The following TUBGCP3 variants were observed in gnomAD, a reference collection of about 807,000 sequenced individuals.
The protein encoded by TUBGCP3 is tubulin gamma complex component 3, also known as gamma-tubulin complex component 3.
In TUBGCP3, 50 loss-of-function variants were observed where a neutral mutation model predicts 123.1. The ratio of observed to expected loss-of-function variants is 0.41; its 90% CI spans 0.32 to 0.51. The LOEUF is 0.51. Ranked by LOEUF, TUBGCP3 falls within the 20% of genes least tolerant of loss-of-function variation. The pLI, the probability that TUBGCP3 is intolerant of heterozygous loss-of-function variation, is 0.36. For synonymous variants in TUBGCP3, 405 were observed against 413.9 expected (o/e 0.98, Z 0.26); for missense variants, 882 against 1,127.0 (o/e 0.78, Z 3.11).
chr13:112,586,206 C>T (rs755382745), intron 1 of TUBGCP3, among the ~76,000 whole-genome samples: 16 of 151,668 alleles, frequency 1.1e-4, no homozygotes, highest in Non-Finnish European at 2.1e-4. Flanking sequence ...CACCACTGCA[C>T]TCCAGCCTGG....
intron 1 of TUBGCP3, among the ~76,000 whole-genome samples, chr13:112,580,126 A>G (rs1322040287): frequency 6.6e-6 from 1 of 152,228 alleles, no homozygotes; most frequent in African/African-American, 2.4e-5. Context: ...CTAGAAGCGG[A>G]GACATACACA....
intron 3 of TUBGCP3, among the ~76,000 whole-genome samples, chr13:112,563,874 CA>C (rs35674942): frequency 0.1 from 11,675 of 116,360 alleles, 597 homozygotes; most frequent in African/African-American, 0.19. Context: ...GACTTCGCCT[CA>C]AAAAAAAAAA....
intron 2 of TUBGCP3, among the ~76,000 whole-genome samples, chr13:112,566,281 C>T (rs908986970): frequency 3.3e-5 from 5 of 152,192 alleles, no homozygotes; most frequent in Non-Finnish European, 5.9e-5. Flanking sequence ...TAGAAAGGTG[C>T]CACTTTCAAA....
intron 21 of TUBGCP3, among the ~76,000 whole-genome samples, chr13:112,488,473 C>T (rs1163716064): frequency 2.6e-5 from 4 of 152,226 alleles, no homozygotes; most frequent in Non-Finnish European, 5.9e-5. Flanking sequence ...TGCTGGCTGC[C>T]GGCCCCTCAC....
chr13:112,560,039 C>T (rs986614230), intron 3 of TUBGCP3, among the ~76,000 whole-genome samples: 2 of 151,258 alleles, frequency 1.3e-5, no homozygotes, highest in Non-Finnish European at 2.9e-5. Context: ...GAGGCTGAGA[C>T]ACGAGAATCA....
chr13:112,560,351 A>C (rs1880407263), intron 3 of TUBGCP3, among the ~76,000 whole-genome samples: 1 of 149,704 alleles, frequency 6.7e-6, no homozygotes, highest in African/African-American at 2.5e-5. Context: ...AATGGCGTGA[A>C]CCCGGGAGGC....
At chr13:112,588,821 A>G (rs1225502402), upstream of TUBGCP3, among the ~76,000 whole-genome samples, 1 of 152,212 alleles carries the variant, frequency 6.6e-6, no homozygotes, top group Non-Finnish European at 1.5e-5. Context: ...TGATGGAAAG[A>G]GATCCCGAGA....
chr13:112,593,061 G>A (rs73570414), upstream of TUBGCP3, among the ~76,000 whole-genome samples: 1,825 of 152,274 alleles, frequency 0.012, 28 homozygotes, highest in African/African-American at 0.041. Flanking sequence ...TTAAGCTTCC[G>A]CACCAGGAAT....
intron 17 of TUBGCP3, among the ~76,000 whole-genome samples, chr13:112,507,547 A>T (rs1200015307): frequency 6.6e-6 from 1 of 152,150 alleles, no homozygotes; most frequent in Non-Finnish European, 1.5e-5. Context: ...GAAGCATACA[A>T]ATTTTTTGTG....
At chr13:112,552,595 C>T (rs1407301694) in intron 8 of TUBGCP3, among the ~76,000 whole-genome samples, 1 of 152,216 alleles carries the variant, frequency 6.6e-6, no homozygotes, top group Non-Finnish European at 1.5e-5. Context: ...AATCACTACC[C>T]CACTCTATGC....
At chr13:112,544,647 T>C (rs889900015) in intron 11 of TUBGCP3, 1 of 152,008 alleles carries the variant, frequency 6.6e-6, no homozygotes, top group Non-Finnish European at 1.5e-5. Context: ...GATAAAAACA[T>C]ATCTGTCCCT....
At chr13:112,550,623 G>A (rs1879480861) in intron 8 of TUBGCP3, among the ~76,000 whole-genome samples, 1 of 152,236 alleles carries the variant, frequency 6.6e-6, no homozygotes, top group Non-Finnish European at 1.5e-5. Context: ...CGTAGGGCAA[G>A]CGCCTGGCAC....
the TUBGCP3 span, chr13:112,603,585 G>A: frequency 0.16 from 25,059 of 152,154 alleles, 3,170 homozygotes; most frequent in African/African-American, 0.35. Context: ...AATTAGCCAG[G>A]CATGGTGGCA....
At chr13:112,595,911 A>G in the TUBGCP3 span, among the ~76,000 whole-genome samples, 1 of 151,744 alleles carries the variant, frequency 6.6e-6, no homozygotes, top group Non-Finnish European at 1.5e-5. Flanking sequence ...TATTTGAACA[A>G]TTTTTTTTAG....
chr13:112,566,675 G>A (rs1176831366), intron 2 of TUBGCP3, among the ~76,000 whole-genome samples: 3 of 152,278 alleles, frequency 2.0e-5, no homozygotes, highest in Non-Finnish European at 2.9e-5. Flanking sequence ...AGCAAGTGAC[G>A]CTCTTTCTAT....
chr13:112,500,496 C>T (rs1880833027), intron 19 of TUBGCP3, among the ~76,000 whole-genome samples: 1 of 152,048 alleles, frequency 6.6e-6, no homozygotes, highest in Non-Finnish European at 1.5e-5. Flanking sequence ...AAAATATGCG[C>T]CAAGAAAATA....
intron 1 of TUBGCP3, among the ~76,000 whole-genome samples, chr13:112,578,253 T>C (rs1881991386): frequency 6.6e-6 from 1 of 152,098 alleles, no homozygotes; most frequent in Admixed American, 6.5e-5. Flanking sequence ...ATCGATTGTA[T>C]CTTGAGTTAA....
At chr13:112,558,774 G>A (rs1046443839) in intron 4 of TUBGCP3, among the ~76,000 whole-genome samples, 1 of 152,156 alleles carries the variant, frequency 6.6e-6, no homozygotes, top group African/African-American at 2.4e-5. Flanking sequence ...TGATTGCTCA[G>A]ACGAAGCCTT....
At chr13:112,543,492 T>C (rs2139158917) in intron 11 of TUBGCP3, among the ~76,000 whole-genome samples, 1 of 152,288 alleles carries the variant, frequency 6.6e-6, no homozygotes, top group Admixed American at 6.5e-5. Flanking sequence ...TAAATTCATA[T>C]CTAAGTATAA....
Sources: allele counts gnomAD v4.1 joint callset (sites outside exome capture counted in the v4.1 genomes callset), GRCh38; gene constraint gnomAD v4.1.1; transcripts MANE v1.5; gene names NCBI Gene and HGNC (gene_info 2026-07-23, HGNC 2026-07-21).